PDK1: variants seen among roughly 807,000 people sequenced by gnomAD.
PDK1 encodes the protein pyruvate dehydrogenase kinase 1, also known as [Pyruvate dehydrogenase (acetyl-transferring)] kinase isozyme 1, mitochondrial.
PDK1 carries 39 observed loss-of-function variants against 54.2 expected under a neutral mutation model. The observed-to-expected ratio is 0.72, with a 90% CI of 0.56 to 0.94. The LOEUF is 0.94. Among genes scored for constraint, PDK1 ranks in the 40% least tolerant of loss-of-function variants. PDK1 has a pLI of 0.00. For missense variants in PDK1, 552 were observed against 566.0 expected (o/e 0.98, Z 0.25); for synonymous variants, 221 against 207.1 (o/e 1.07, Z -0.58).
At chr2:172,562,161 A>C in intron 2 of PDK1, 59 bp from the exon 3 acceptor site, 1 of 873,328 alleles carries the variant, frequency 1.1e-6, no homozygotes, top group Non-Finnish European at 1.9e-6. Context: ...GCTAATTTTC[A>C]TGATATTGAA....
the PDK1 span, among the ~76,000 whole-genome samples, chr2:172,661,071 G>A: frequency 6.6e-6 from 1 of 152,178 alleles, no homozygotes; most frequent in Non-Finnish European, 1.5e-5. Flanking sequence ...CAAGATGAGG[G>A]ACCTACAAGG....
chr2:172,595,493 A>G (rs185446892), intron 10 of PDK1, among the ~76,000 whole-genome samples: 2 of 152,294 alleles, frequency 1.3e-5, no homozygotes, highest in Admixed American at 6.5e-5. Flanking sequence ...ATCGATTTGT[A>G]TGCTTTTACA....
At chr2:172,589,440 G>T (rs1218120858) in intron 9 of PDK1, among the ~76,000 whole-genome samples, 1 of 152,202 alleles carries the variant, frequency 6.6e-6, no homozygotes, top group African/African-American at 2.4e-5. Flanking sequence ...CAGAGTAGCT[G>T]CTTACTCTCC....
the PDK1 span, among the ~76,000 whole-genome samples, chr2:172,685,814 G>A: frequency 2.8e-3 from 427 of 152,182 alleles, 2 homozygotes; most frequent in African/African-American, 9.4e-3. Flanking sequence ...CACCTCATTC[G>A]ATGCTGAACA....
the PDK1 span, among the ~76,000 whole-genome samples, chr2:172,692,145 A>G: frequency 6.6e-6 from 1 of 152,150 alleles, no homozygotes; most frequent in Non-Finnish European, 1.5e-5. Flanking sequence ...GTGGAGAGGG[A>G]TGCGTCCAGG....
the PDK1 span, among the ~76,000 whole-genome samples, chr2:172,613,804 G>A: frequency 6.6e-6 from 1 of 152,164 alleles, no homozygotes; most frequent in East Asian, 1.9e-4. Flanking sequence ...TCTGAGTTGG[G>A]ACAGGAACTC....
the PDK1 span, among the ~76,000 whole-genome samples, chr2:172,622,206 C>CTCATATATT: frequency 8.2e-5 from 11 of 134,924 alleles, no homozygotes; most frequent in African/African-American, 3.0e-4. Flanking sequence ...ATGTTTATAT[C>CTCATATATT]ATGAGAGATA....
chr2:172,596,010 A>G lies in PDK1; in HGVS notation c.*41A>G, dbSNP rs1690872080. The G allele has an allele frequency of 6.4e-7, 1 of 1,556,202 alleles. No individual in the cohort carries two copies. Among genetic ancestry groups the G allele is most frequent in the Non-Finnish European group, 8.8e-7 (1 of 1,142,836 alleles). On this transcript the variant is annotated 3_prime_UTR_variant, in exon 11 of 11. Transcript: ENST00000282077. ...CGGAAAATCCAAATGTGGCTTTTGT[A>G]TTAAATTTGGAAGGTATGGTGTTCA...
chr2:172,629,789 T>G, the PDK1 span, among the ~76,000 whole-genome samples: 1 of 152,162 alleles, frequency 6.6e-6, no homozygotes, highest in Non-Finnish European at 1.5e-5. Flanking sequence ...CAGGCCCGCA[T>G]GGAGTTCTGC....
the PDK1 span, among the ~76,000 whole-genome samples, chr2:172,650,356 C>A: frequency 6.6e-6 from 1 of 152,180 alleles, no homozygotes; most frequent in Non-Finnish European, 1.5e-5. Context: ...AAAGGAGCAA[C>A]CGGTACCAGC....
At chr2:172,584,140 G>A (rs1690075802) in intron 8 of PDK1, among the ~76,000 whole-genome samples, 1 of 152,164 alleles carries the variant, frequency 6.6e-6, no homozygotes, top group Admixed American at 6.5e-5. Flanking sequence ...GTTCTAGGCT[G>A]TAAAATTGCT....
the PDK1 span, among the ~76,000 whole-genome samples, chr2:172,614,505 G>A: frequency 2.0e-5 from 3 of 152,196 alleles, no homozygotes; most frequent in South Asian, 2.1e-4. Flanking sequence ...GATGATGGGC[G>A]ACCACCTTCA....
intron 10 of PDK1, among the ~76,000 whole-genome samples, chr2:172,595,344 A>G (rs886855580): frequency 6.6e-6 from 1 of 152,326 alleles, no homozygotes; most frequent in South Asian, 2.1e-4. Context: ...CACTGGGATT[A>G]TAGGCATAAG....
At chr2:172,698,594 G>A in the PDK1 span, among the ~76,000 whole-genome samples, 1 of 152,224 alleles carries the variant, frequency 6.6e-6, no homozygotes, top group Non-Finnish European at 1.5e-5. Flanking sequence ...TGAAGGGCTT[G>A]TTAAAACAGA....
chr2:172,564,562 C>G lies in PDK1; in HGVS notation c.470C>G (p.Ala157Gly). 6.2e-7 allele frequency: 1 copy of G among 1,613,828 alleles called. No homozygotes were observed. Among genetic ancestry groups the G allele is most frequent in the Non-Finnish European group, 8.5e-7 (1 of 1,179,768 alleles). ...NRHNDVIPTM[A>G]QGVIEYKESF... ...CACAATGATGTCATTCCCACAATGG[C>G]CCAGGGTGTGATTGAATACAAGGAG... The change falls in exon 4 of 11, where the codon GCC becomes GGC. Residue 157 changes from alanine (A) to glycine (G), a missense_variant. Ala to Gly is a moderately conservative substitution (Grantham distance 60). Transcript: ENST00000282077.
chr2:172,566,808 G>T (rs376568454), intron 5 of PDK1, 48 bp from the exon 6 acceptor site: 5 of 1,210,172 alleles, frequency 4.1e-6, no homozygotes, highest in Non-Finnish European at 6.1e-6. Context: ...GCGTGAAAGA[G>T]AAGTATATTT....
At chr2:172,557,610 C>CGT (rs55753852) in intron 1 of PDK1, among the ~76,000 whole-genome samples, 21,527 of 141,846 alleles carry the variant, frequency 0.15, 1,539 homozygotes, top group South Asian at 0.18. Flanking sequence ...TCTTTTTTCC[C>CGT]GTGTGTGTGT....
At chr2:172,558,446 A>G (rs1688471019) in intron 1 of PDK1, among the ~76,000 whole-genome samples, 1 of 152,206 alleles carries the variant, frequency 6.6e-6, no homozygotes, top group African/African-American at 2.4e-5. Context: ...AAGGATGCAA[A>G]TTAGGGAGAC....
chr2:172,590,046 G>A (rs1690483145), intron 9 of PDK1, among the ~76,000 whole-genome samples: 1 of 152,150 alleles, frequency 6.6e-6, no homozygotes, highest in African/African-American at 2.4e-5. Context: ...GTGGGGTAGG[G>A]GTGGTGGGAG....
Sources: gnomAD v4.1 joint callset for allele counts (sites outside exome capture counted in the v4.1 genomes callset) on GRCh38, gnomAD v4.1.1 for gene constraint, MANE v1.5 for transcripts, NCBI Gene and HGNC (gene_info 2026-07-23, HGNC 2026-07-21) for gene names.